NLRP12: variants seen among roughly 807,000 people sequenced by gnomAD.
NLRP12 encodes the protein NLR family pyrin domain containing 12.
Under a neutral mutation model 91.2 loss-of-function variants are expected in NLRP12, and 108 were observed. That is an observed-to-expected ratio of 1.18 (90% CI 1.01 to 1.39). NLRP12 has a LOEUF of 1.39. Ranked by LOEUF, NLRP12 falls within the 40% of genes most tolerant of loss-of-function variation. NLRP12 has a pLI of 0.00. For missense variants in NLRP12, 1,530 were observed against 1,352.7 expected (o/e 1.13, Z -2.06); for synonymous variants, 613 against 566.7 (o/e 1.08, Z -1.16).
chr19:53,823,393 T>TAAATATATA (rs1555799901), intron 1 of NLRP12, among the ~76,000 whole-genome samples: 12 of 100,070 alleles, frequency 1.2e-4, no homozygotes, highest in African/African-American at 5.0e-4. Flanking sequence ...ATACATATTT[T>TAAATATATA]AAATATATAT....
At chr19:53,820,106 A>T (rs1429922801) in intron 1 of NLRP12, among the ~76,000 whole-genome samples, 1 of 152,092 alleles carries the variant, frequency 6.6e-6, no homozygotes, top group Non-Finnish European at 1.5e-5. Context: ...ATGTTCACCA[A>T]AGTTTGCTCG....
chr19:53,824,348 T>C, upstream of NLRP12: 1 of 657,822 alleles, frequency 1.5e-6, no homozygotes, highest in South Asian at 1.8e-5. Flanking sequence ...GCTGAAATAA[T>C]GCTTTCTCAC....
intron 1 of NLRP12, among the ~76,000 whole-genome samples, chr19:53,818,552 G>T (rs2092197652): frequency 6.6e-6 from 1 of 151,434 alleles, no homozygotes; most frequent in Admixed American, 6.6e-5. Flanking sequence ...GTAGTCCCAG[G>T]TACTCGGGAG....
chr19:53,810,417 G>A lies in NLRP12; in HGVS notation c.1242C>T (p.Leu414=). The A allele has an allele frequency of 3.1e-6, 5 of 1,613,930 alleles. No homozygotes were observed. The highest frequency in any genetic ancestry group is 3.4e-6 in the Non-Finnish European group (4 of 1,180,018). Residue 414 remains leucine (L), a synonymous_variant, in exon 3 of 10, where the codon CTC becomes CTT. Transcript: ENST00000324134. ...GCCCCCCACCCTCCAGCTGCTGCTG[G>A]AGGCAGGTACACACCACCCAGCACA... ...PLVCWVVCTC[L]QQQLEGGGLL...
At chr19:53,819,457 A>ATATGTG (rs2092220405) in intron 1 of NLRP12, among the ~76,000 whole-genome samples, 1 of 4,598 alleles carries the variant, frequency 2.2e-4, no homozygotes, top group Non-Finnish European at 4.1e-4. Flanking sequence ...ATATATATAT[A>ATATGTG]TGTGTGTGTG....
intron 9 of NLRP12, among the ~76,000 whole-genome samples, 170 bp from the exon 10 acceptor site, chr19:53,794,306 A>G (rs1235925140): frequency 1.3e-5 from 2 of 151,810 alleles, no homozygotes; most frequent in Non-Finnish European, 2.9e-5. Context: ...CAAGTCCCCA[A>G]GCTGTGTTAA....
At chr19:53,814,768 C>T (rs536956593) in intron 2 of NLRP12, 140 bp downstream of exon 2, 1 of 743,992 alleles carries the variant, frequency 1.3e-6, no homozygotes, top group Middle Eastern at 2.4e-4. Flanking sequence ...AGTTGAAACA[C>T]AGGAGGAAAC....
chr19:53,807,188 C>T (rs2091973839), intron 4 of NLRP12, among the ~76,000 whole-genome samples: 1 of 152,086 alleles, frequency 6.6e-6, no homozygotes, highest in South Asian at 2.1e-4. Flanking sequence ...CTGCCTCAGC[C>T]TCCCAAGCAG....
At chr19:53,816,542 G>C (rs1450073434) in intron 1 of NLRP12, among the ~76,000 whole-genome samples, 1 of 151,828 alleles carries the variant, frequency 6.6e-6, no homozygotes, top group Non-Finnish European at 1.5e-5. Context: ...TTATTTATTT[G>C]AGACAGTCTC....
At chr19:53,807,733 CA>C in intron 3 of NLRP12, 68 bp from the exon 4 acceptor site, 1 of 1,556,150 alleles carries the variant, frequency 6.4e-7, no homozygotes, top group Non-Finnish European at 8.9e-7. Context: ...CTTTGCATGT[CA>C]TTTCACCGTT....
chr19:53,798,742 A>C (rs955881035), intron 7 of NLRP12, among the ~76,000 whole-genome samples: 3 of 151,916 alleles, frequency 2.0e-5, no homozygotes, highest in Admixed American at 1.3e-4. Flanking sequence ...GTACAAAAAA[A>C]AATTTTTTTT....
At position 53,805,336 on chromosome 19, in the gene NLRP12, G is replaced by A. The variant is rs2122609508; in HGVS notation, c.2358C>T (p.Gly786=). 4 of 1,614,092 alleles carry A rather than the reference G, an allele frequency of 2.5e-6. No individual in the cohort carries two copies. In the East Asian group the frequency reaches 8.9e-5, roughly 36 times the overall value. The change falls in exon 5 of 10, where the codon GGC becomes GGT. Residue 786 remains glycine, a synonymous_variant. Coordinates refer to ENST00000324134, the MANE Select transcript of NLRP12 (RefSeq NM_144687.4). ...GCAGGCCCTCGCAAAGCAGCATCAT[G>A]CCTGGGAATCCAACGCCGTTGCCAC... The part of the protein sequence containing the change: ...DLSGNGVGFP[G]MMLLCEGLRH...
intron 2 of NLRP12, 35 bp from the exon 3 acceptor site, chr19:53,811,323 C>T (rs2092072878): frequency 6.2e-7 from 1 of 1,612,014 alleles, no homozygotes; most frequent in Admixed American, 1.7e-5. Flanking sequence ...GTGGAAGACT[C>T]ATCAGCAGCC....
chr19:53,818,825 C>T (rs889473028), intron 1 of NLRP12, among the ~76,000 whole-genome samples: 2 of 152,082 alleles, frequency 1.3e-5, no homozygotes, highest in African/African-American at 4.8e-5. Flanking sequence ...TTCAGAATCA[C>T]GGGTTGAGGG....
chr19:53,803,334 A>G (rs1261647794), intron 6 of NLRP12, among the ~76,000 whole-genome samples: 1 of 151,994 alleles, frequency 6.6e-6, no homozygotes, highest in Admixed American at 6.6e-5. Flanking sequence ...GGCATGTGCC[A>G]CCACGCCTGG....
chr19:53,796,097 C>T (rs1446708812), intron 8 of NLRP12, 68 bp from the exon 9 acceptor site: 1 of 1,444,192 alleles, frequency 6.9e-7, no homozygotes, highest in South Asian at 1.2e-5. Flanking sequence ...GGCAGTGTCT[C>T]ACCCTGTCTC....
In NLRP12 at chr19:53,810,251, A is replaced by G. The variant is rs1254976272; in HGVS notation, c.1408T>C (p.Trp470Arg). The change falls in exon 3 of 10, where the codon TGG (tryptophan) becomes CGG (arginine). Residue 470 changes from tryptophan to arginine, a missense_variant. By Grantham distance (101) the Trp-to-Arg change is moderately radical. Coordinates refer to ENST00000324134, the MANE Select transcript of NLRP12 (RefSeq NM_144687.4). ...GLCSLAADGL[W>R]NQKILFEEQD... ...TCCTCAAATAGGATTTTCTGATTCC[A>G]GAGCCCATCTGCCGCCAAGGAGCAC... The G allele has an allele frequency of 1.9e-6, 3 of 1,613,996 alleles. No homozygotes were observed. The highest frequency in any genetic ancestry group is 1.7e-5 in the Admixed American group (1 of 59,976).
chr19:53,801,675 G>A (rs115694398), intron 6 of NLRP12, among the ~76,000 whole-genome samples: 1,752 of 151,532 alleles, frequency 0.012, 26 homozygotes, highest in African/African-American at 0.04. Context: ...GGGTGGTCTC[G>A]AACTCCTGAC....
At chr19:53,815,462 T>C (rs537585647) in intron 1 of NLRP12, among the ~76,000 whole-genome samples, 20 of 150,906 alleles carry the variant, frequency 1.3e-4, no homozygotes, top group African/African-American at 4.4e-4. Flanking sequence ...CTCCTGACCT[T>C]GTGATCCACC....
Sources: gnomAD v4.1 joint callset for allele counts (sites outside exome capture counted in the v4.1 genomes callset) on GRCh38, gnomAD v4.1.1 for gene constraint, MANE v1.5 for transcripts, NCBI Gene and HGNC (gene_info 2026-07-23, HGNC 2026-07-21) for gene names.